The following CEP112 variants were observed in gnomAD, a reference collection of about 807,000 sequenced individuals.
CEP112 encodes centrosomal protein 112, also known as centrosomal protein of 112 kDa.
In CEP112, 127 loss-of-function variants were observed where a neutral mutation model predicts 153.0. That is an observed-to-expected ratio of 0.83 (90% CI 0.72 to 0.96). CEP112 has a LOEUF of 0.96. Ranked by LOEUF, CEP112 falls within the 40% of genes least tolerant of loss-of-function variation. The probability of loss-of-function intolerance (pLI) is 0.00; values close to 1 mark genes in which losing one functional copy is unlikely to be tolerated. For missense variants in CEP112, 1,089 were observed against 1,101.2 expected (o/e 0.99, Z 0.16); for synonymous variants, 358 against 374.4 (o/e 0.96, Z 0.51).
chr17:66,087,020 G>A (rs1394303248), intron 8 of CEP112, among the ~76,000 whole-genome samples: 3 of 152,146 alleles, frequency 2.0e-5, no homozygotes, highest in Non-Finnish European at 1.5e-5. Context: ...AGAAATGACT[G>A]TAATTGCACA....
At chr17:66,184,118 G>A (rs1348126004) in intron 1 of CEP112, among the ~76,000 whole-genome samples, 2 of 152,094 alleles carry the variant, frequency 1.3e-5, no homozygotes, top group Non-Finnish European at 2.9e-5. Context: ...TTAGCCAGGT[G>A]TAGTGGCACG....
chr17:65,669,686 G>T (rs888477775), intron 24 of CEP112, among the ~76,000 whole-genome samples: 1 of 152,094 alleles, frequency 6.6e-6, no homozygotes, highest in Non-Finnish European at 1.5e-5. Flanking sequence ...GGTGGATCAC[G>T]AGGTCAGGAG....
intron 21 of CEP112, among the ~76,000 whole-genome samples, chr17:65,835,502 A>G (rs567553968): frequency 2.0e-5 from 3 of 152,304 alleles, no homozygotes; most frequent in South Asian, 2.1e-4. Flanking sequence ...ACGGCTTTCA[A>G]TGGATTTCTC....
chr17:66,152,470 G>T (rs1256364195), intron 4 of CEP112, among the ~76,000 whole-genome samples: 2 of 152,246 alleles, frequency 1.3e-5, no homozygotes, highest in East Asian at 3.9e-4. Context: ...AAAGAAAATG[G>T]AACTAAGACT....
At chr17:65,958,592 T>A (rs187757146) in intron 18 of CEP112, among the ~76,000 whole-genome samples, 8 of 47,876 alleles carry the variant, frequency 1.7e-4, no homozygotes, top group Non-Finnish European at 3.1e-4. Flanking sequence ...AGCCCCCTGC[T>A]GCCTCAGCCA....
chr17:65,970,381 G>GCATGTAAATTACATGCACACATCATT lies in CEP112; in HGVS notation c.1737-8784_1737-8783insAATGATGTGTGCATGTAATTTACATG, dbSNP rs1568313628. Among the ~76,000 whole-genome samples the GCATGTAAATTACATGCACACATCATT allele has an allele frequency of 1.9e-3, 120 of 62,796 alleles. 7 individuals are homozygous for GCATGTAAATTACATGCACACATCATT. Among genetic ancestry groups the GCATGTAAATTACATGCACACATCATT allele is most frequent in the Admixed American group, 3.7e-3 (14 of 3,764 alleles). 41.2% of individuals were successfully genotyped at this position (62,796 alleles called of 152,430 possible). ...TGCCTATATTACATGCACACATCAT[G>GCATGTAAATTACATGCACACATCATT]CATATATATTACATGCATGCACACA... On this transcript the variant is annotated intron_variant, in intron 17 of 26. Transcript: ENST00000535342.
chr17:66,067,723 G>A (rs1273548739), intron 9 of CEP112, among the ~76,000 whole-genome samples: 1 of 152,058 alleles, frequency 6.6e-6, no homozygotes, highest in East Asian at 1.9e-4. Flanking sequence ...TGAGATTTTT[G>A]TATAATAATT....
chr17:65,650,590 G>A (rs1339795796), intron 24 of CEP112, among the ~76,000 whole-genome samples: 2 of 151,902 alleles, frequency 1.3e-5, no homozygotes, highest in African/African-American at 4.8e-5. Flanking sequence ...AGAGATGTTC[G>A]TCTTGCTTTT....
At chr17:65,745,861 C>T (rs1427726676) in intron 22 of CEP112, among the ~76,000 whole-genome samples, 10 of 152,092 alleles carry the variant, frequency 6.6e-5, no homozygotes, top group South Asian at 2.1e-4. Context: ...ATACTTCAAA[C>T]GGTCAAAGGC....
chr17:65,898,235 C>T (rs1315694017), intron 20 of CEP112, among the ~76,000 whole-genome samples: 1 of 152,038 alleles, frequency 6.6e-6, no homozygotes, highest in Non-Finnish European at 1.5e-5. Flanking sequence ...ATAACAAGAA[C>T]ATTCAGACTA....
chr17:65,854,639 C>T (rs964334819), intron 20 of CEP112, among the ~76,000 whole-genome samples: 1 of 152,266 alleles, frequency 6.6e-6, no homozygotes, highest in Middle Eastern at 3.4e-3. Context: ...TGTGAGAGGA[C>T]TTTATATAAA....
At chr17:65,925,429 A>C (rs2060889170) in intron 19 of CEP112, among the ~76,000 whole-genome samples, 1 of 152,188 alleles carries the variant, frequency 6.6e-6, no homozygotes, top group African/African-American at 2.4e-5. Context: ...CTAGTTTTTA[A>C]AGCTGAAAAC....
chr17:65,753,101 T>G (rs118151286), intron 21 of CEP112, among the ~76,000 whole-genome samples: 4 of 152,330 alleles, frequency 2.6e-5, no homozygotes, highest in Non-Finnish European at 5.9e-5. Context: ...ACAGGTGAGT[T>G]CTGTCCACTA....
At chr17:65,999,970 C>G (rs1200516471) in intron 17 of CEP112, among the ~76,000 whole-genome samples, 1 of 152,110 alleles carries the variant, frequency 6.6e-6, no homozygotes, top group African/African-American at 2.4e-5. Context: ...TAATCTATCA[C>G]TAATAGGCAT....
At chr17:66,115,290 T>C (rs1037790166) in intron 6 of CEP112, among the ~76,000 whole-genome samples, 8 of 152,334 alleles carry the variant, frequency 5.3e-5, no homozygotes, top group Middle Eastern at 3.4e-3. Flanking sequence ...AGAAGGTAGA[T>C]TGGCACAGCC....
intron 21 of CEP112, among the ~76,000 whole-genome samples, chr17:65,763,747 A>G (rs1363756260): frequency 1.3e-5 from 2 of 152,174 alleles, no homozygotes; most frequent in East Asian, 3.9e-4. Flanking sequence ...CCCTTAGCAC[A>G]TTAATCGTAG....
chr17:65,978,256 T>TAAAAGGAA (rs1555744295), intron 17 of CEP112, among the ~76,000 whole-genome samples: 14 of 151,186 alleles, frequency 9.3e-5, no homozygotes, highest in Admixed American at 9.2e-4. Context: ...ATCCTATCTC[T>TAAAAGGAA]AAAAGAAAAT....
At chr17:65,782,201 T>G (rs983828138) in intron 21 of CEP112, among the ~76,000 whole-genome samples, 1 of 151,890 alleles carries the variant, frequency 6.6e-6, no homozygotes, top group Admixed American at 6.6e-5. Flanking sequence ...ACCAGACATT[T>G]CTCAAAAGAA....
chr17:65,840,295 G>A (rs1204903553), intron 21 of CEP112, among the ~76,000 whole-genome samples: 2 of 152,056 alleles, frequency 1.3e-5, no homozygotes. Flanking sequence ...AAACAGCATG[G>A]TACTGGCAGA....
Sources: gnomAD v4.1 joint callset for allele counts (sites outside exome capture counted in the v4.1 genomes callset) on GRCh38, gnomAD v4.1.1 for gene constraint, MANE v1.5 for transcripts, NCBI Gene and HGNC (gene_info 2026-07-23, HGNC 2026-07-21) for gene names.